The following PCDH15 variants were observed in gnomAD, a reference collection of about 807,000 sequenced individuals.
The protein encoded by PCDH15 is protocadherin-15.
PCDH15 carries 129 observed loss-of-function variants against 178.5 expected under a neutral mutation model. The ratio of observed to expected loss-of-function variants is 0.72; its 90% CI spans 0.63 to 0.84. The LOEUF is 0.84. PCDH15 is among the 40% of genes least tolerant of loss of function. The pLI is 0.00. For missense variants in PCDH15, 2,230 were observed against 2,099.9 expected (o/e 1.06, Z -1.21); for synonymous variants, 800 against 732.0 (o/e 1.09, Z -1.50).
At chr10:55,152,920 A>G (rs1268895225) in intron 2 of PCDH15, among the ~76,000 whole-genome samples, 1 of 152,102 alleles carries the variant, frequency 6.6e-6, no homozygotes, top group Non-Finnish European at 1.5e-5. Context: ...AACTTGGTTA[A>G]GGTTAAAGAT....
At chr10:55,527,180 T>C (rs148521797) in intron 2 of PCDH15, among the ~76,000 whole-genome samples, 1 of 152,072 alleles carries the variant, frequency 6.6e-6, no homozygotes, top group Non-Finnish European at 1.5e-5. Context: ...TGTATATTCG[T>C]TTCTTATGAC....
intron 29 of PCDH15, among the ~76,000 whole-genome samples, chr10:53,837,087 T>G (rs1193219634): frequency 1.4e-5 from 2 of 147,006 alleles, no homozygotes; most frequent in East Asian, 2.0e-4. Context: ...AAGAAAAAAC[T>G]GTGTGTCTAT....
chr10:54,340,054 C>G (rs1280038131), intron 6 of PCDH15, among the ~76,000 whole-genome samples: 1 of 152,072 alleles, frequency 6.6e-6, no homozygotes, highest in East Asian at 1.9e-4. Flanking sequence ...GTCTTTCTTA[C>G]CATGTTTTAA....
chr10:54,763,449 A>G (rs1948132338), intron 1 of PCDH15, among the ~76,000 whole-genome samples: 1 of 152,120 alleles, frequency 6.6e-6, no homozygotes. Context: ...ACTGGAGAAA[A>G]TAACTCTGGA....
rs1457739930 is a variant in PCDH15 at position 54,717,862 on chromosome 10, A to G, written c.-28-53572T>C. On this transcript the variant is annotated intron_variant, in intron 1 of 37. Transcript: ENST00000644397. ...AATAGCGAAGACTTGGAACCAACCC[A>G]AATGTCCAACAATGATAAACTGGAT... Among the ~76,000 whole-genome samples the G allele has an allele frequency of 9.0e-5, 13 of 143,956 alleles. 1 individual carries two copies. Among genetic ancestry groups the G allele is most frequent in the Admixed American group, 1.4e-4 (2 of 14,170 alleles). The allele number at this position is 143,956 out of a possible 152,430, so 94.4% of individuals were successfully genotyped here. A position where few individuals can be genotyped will look rare whatever the true frequency, so the allele number is the denominator to read the frequency against.
intron 6 of PCDH15, among the ~76,000 whole-genome samples, chr10:54,343,850 T>G (rs1942735834): frequency 6.9e-6 from 1 of 145,036 alleles, no homozygotes; most frequent in Non-Finnish European, 1.5e-5. Context: ...AAAAAAGATT[T>G]GCAACAAAAC....
chr10:55,050,931 G>A (rs1417895478), intron 2 of PCDH15, among the ~76,000 whole-genome samples: 1 of 152,018 alleles, frequency 6.6e-6, no homozygotes, highest in Non-Finnish European at 1.5e-5. Context: ...TATCAGTAAT[G>A]TTTCTAATAG....
At chr10:54,498,442 C>T (rs6481100) in intron 3 of PCDH15, among the ~76,000 whole-genome samples, 74,624 of 151,990 alleles carry the variant, frequency 0.49, 20,028 homozygotes, top group African/African-American at 0.67. Context: ...TGACATAAAA[C>T]CCTCACATAT....
At chr10:54,893,533 G>C (rs565882653) in intron 3 of PCDH15, among the ~76,000 whole-genome samples, 2 of 151,992 alleles carry the variant, frequency 1.3e-5, no homozygotes, top group Non-Finnish European at 2.9e-5. Context: ...AGAATAACTT[G>C]CTTGGTTAGT....
chr10:54,252,388 G>C (rs1433398106), intron 8 of PCDH15, among the ~76,000 whole-genome samples: 1 of 152,132 alleles, frequency 6.6e-6, no homozygotes, highest in Non-Finnish European at 1.5e-5. Flanking sequence ...CACAGAAGAG[G>C]TGTTAGTTAA....
chr10:54,674,070 CA>C lies in PCDH15; in HGVS notation c.-28-9781del, dbSNP rs201928273. ...TACTTCACATTATATGAAGTCTAAC[CA>C]GAGATCATAAAGTTTCATACTATAT... On this transcript the variant is annotated intron_variant, in intron 1 of 37. Coordinates refer to ENST00000644397, the MANE Select transcript of PCDH15 (RefSeq NM_001384140.1). Among the ~76,000 whole-genome samples, 134 of 152,176 alleles carry C rather than the reference CA, an allele frequency of 8.8e-4. 2 individuals carry two copies. In the East Asian group the frequency reaches 0.024, roughly 27 times the overall value.
chr10:54,706,078 C>G, intron 1 of PCDH15, among the ~76,000 whole-genome samples: 1 of 152,182 alleles, frequency 6.6e-6, no homozygotes, highest in East Asian at 1.9e-4. Flanking sequence ...TCTCATCCAA[C>G]TAAATATGAA....
At chr10:54,543,011 G>A (rs999746896) in intron 2 of PCDH15, among the ~76,000 whole-genome samples, 16 of 152,252 alleles carry the variant, frequency 1.1e-4, no homozygotes, top group Admixed American at 3.9e-4. Flanking sequence ...GCACACCAGC[G>A]GAAGAGCACA....
intron 2 of PCDH15, among the ~76,000 whole-genome samples, chr10:55,000,375 G>A (rs912407309): frequency 1.2e-4 from 19 of 152,242 alleles, no homozygotes; most frequent in Admixed American, 4.6e-4. Flanking sequence ...GCTCTGTTCC[G>A]CCTGGCTCAC....
intron 1 of PCDH15, among the ~76,000 whole-genome samples, chr10:54,751,035 C>T (rs998264993): frequency 2.6e-4 from 39 of 151,788 alleles, no homozygotes; most frequent in African/African-American, 8.0e-4. Flanking sequence ...AAAAGAAATA[C>T]CAGAAGAGTT....
At chr10:54,072,182 T>C (rs964548372) in intron 17 of PCDH15, among the ~76,000 whole-genome samples, 41 of 152,174 alleles carry the variant, frequency 2.7e-4, no homozygotes, top group Non-Finnish European at 5.9e-4. Context: ...TTCTTTTCAA[T>C]AACAATGGGA....
chr10:53,853,376 A>G (rs1407151751), intron 28 of PCDH15, among the ~76,000 whole-genome samples: 1 of 152,106 alleles, frequency 6.6e-6, no homozygotes, highest in Non-Finnish European at 1.5e-5. Context: ...TTTATTGAAT[A>G]TGACACCAAT....
At chr10:55,174,445 G>C (rs1402835702) in intron 1 of PCDH15, among the ~76,000 whole-genome samples, 1 of 152,194 alleles carries the variant, frequency 6.6e-6, no homozygotes, top group African/African-American at 2.4e-5. Context: ...GGACAGAGAA[G>C]CTTGGCCTCC....
At chr10:54,038,587 G>A (rs1590058898) in intron 18 of PCDH15, among the ~76,000 whole-genome samples, 1 of 151,978 alleles carries the variant, frequency 6.6e-6, no homozygotes, top group East Asian at 1.9e-4. Flanking sequence ...TCAGGATATG[G>A]GCTACACTGA....
Sources: gnomAD v4.1 joint callset for allele counts (sites outside exome capture counted in the v4.1 genomes callset) on GRCh38, gnomAD v4.1.1 for gene constraint, MANE v1.5 for transcripts, NCBI Gene and HGNC (gene_info 2026-07-23, HGNC 2026-07-21) for gene names.